The following DNAJC15 variants were observed in gnomAD, a reference collection of about 807,000 sequenced individuals.
DNAJC15 encodes dnaJ homolog subfamily C member 15.
In DNAJC15, 27 loss-of-function variants were observed where a neutral mutation model predicts 22.4. That is an observed-to-expected ratio of 1.20 (90% confidence interval 0.89 to 1.66). The LOEUF (loss-of-function observed/expected upper bound fraction) is 1.66, where lower values mean the gene tolerates loss of function less well. DNAJC15 is among the 40% of genes most tolerant of loss of function. DNAJC15 has a pLI of 0.00. For synonymous variants in DNAJC15, 79 were observed against 63.2 expected (o/e 1.25, Z -1.19); for missense variants, 208 against 187.1 (o/e 1.11, Z -0.65).
rs545778183 is a variant in DNAJC15, at chr13:43,023,618, C to G, written c.-9C>G. 4 of 1,606,482 alleles carry G rather than the reference C, an allele frequency of 2.5e-6. No individual in the cohort carries two copies. The highest frequency in any genetic ancestry group is 1.7e-5 in the Admixed American group (1 of 59,362). On this transcript the variant is annotated 5_prime_UTR_variant, in exon 1 of 6. Coordinates refer to ENST00000379221, the MANE Select transcript of DNAJC15 (RefSeq NM_013238.3). Reference sequence around the variant, plus strand: ...GCCGCGGCGCCTTGAGTCTCCGGGCCGCCTTGCCATGGCTGCCCGTGGTGT... The same window carrying G: ...GCCGCGGCGCCTTGAGTCTCCGGGCGGCCTTGCCATGGCTGCCCGTGGTGT...
chr13:43,089,907 A>G (rs992456813), intron 5 of DNAJC15, among the ~76,000 whole-genome samples: 2 of 152,218 alleles, frequency 1.3e-5, no homozygotes, highest in Admixed American at 6.5e-5. Flanking sequence ...CAGCCTTTGC[A>G]CTGATGGTGT....
chr13:43,042,814 A>C (rs916132457), intron 1 of DNAJC15, among the ~76,000 whole-genome samples: 2 of 152,244 alleles, frequency 1.3e-5, no homozygotes, highest in Non-Finnish European at 2.9e-5. Flanking sequence ...TATCAAAGAT[A>C]AACTCCATAG....
chr13:43,026,533 T>C (rs1253693936), intron 1 of DNAJC15, among the ~76,000 whole-genome samples: 1 of 152,158 alleles, frequency 6.6e-6, no homozygotes, highest in Non-Finnish European at 1.5e-5. Flanking sequence ...AGGCAGAAGA[T>C]TGTTGATAAT....
chr13:43,033,792 G>C (rs2040414533), intron 1 of DNAJC15, among the ~76,000 whole-genome samples: 1 of 152,084 alleles, frequency 6.6e-6, no homozygotes, highest in Non-Finnish European at 1.5e-5. Flanking sequence ...ACTTTGGGAG[G>C]CCAAGGTGGG....
At chr13:43,092,177 T>C (rs1413052660) in intron 5 of DNAJC15, among the ~76,000 whole-genome samples, 1 of 152,190 alleles carries the variant, frequency 6.6e-6, no homozygotes, top group Non-Finnish European at 1.5e-5. Context: ...GGACAAATGA[T>C]TTAGGATTGT....
rs1235039419 is a variant in DNAJC15 at position 43,023,719 on chromosome 13, C to G, written c.93C>G (p.Val31=). 10 of 1,610,236 alleles carry G rather than the reference C, an allele frequency of 6.2e-6. No individual in the cohort carries two copies. The highest frequency in any genetic ancestry group is 1.3e-5 in the African/African-American group (1 of 74,816). Residue 31 remains valine (V), a synonymous_variant, in exon 1 of 6, where the codon GTC becomes GTG. Coordinates refer to ENST00000379221, the MANE Select transcript of DNAJC15 (RefSeq NM_013238.3). ...QPSAKRPDAD[V]DQQRLVRSLI... ...CGGCCAAACGGCCAGACGCCGACGT[C>G]GACCAGCAGAGACTGGTGAGTCCTG...
intron 2 of DNAJC15, among the ~76,000 whole-genome samples, chr13:43,066,871 G>A (rs2040586678): frequency 6.6e-6 from 1 of 152,052 alleles, no homozygotes; most frequent in East Asian, 1.9e-4. Flanking sequence ...CACCCACCTC[G>A]GCCTCCTAAA....
At chr13:43,071,648 T>C (rs934156352) in intron 3 of DNAJC15, among the ~76,000 whole-genome samples, 5 of 152,198 alleles carry the variant, frequency 3.3e-5, no homozygotes, top group Non-Finnish European at 7.4e-5. Flanking sequence ...TTTGATTTTG[T>C]AAATATTATT....
At chr13:43,096,305 A>T (rs1278752422) in intron 5 of DNAJC15, among the ~76,000 whole-genome samples, 2 of 152,246 alleles carry the variant, frequency 1.3e-5, no homozygotes, top group Non-Finnish European at 2.9e-5. Context: ...CATAAAGGAC[A>T]CATAGTATCT....
chr13:43,103,365 T>C (rs1210650631), intron 5 of DNAJC15, among the ~76,000 whole-genome samples: 2 of 152,222 alleles, frequency 1.3e-5, no homozygotes, highest in African/African-American at 4.8e-5. Flanking sequence ...AAAGTATGTA[T>C]ATAAGATCCA....
chr13:43,081,090 G>A (rs1328006036), intron 4 of DNAJC15, among the ~76,000 whole-genome samples: 2 of 152,162 alleles, frequency 1.3e-5, no homozygotes, highest in African/African-American at 4.8e-5. Context: ...TATGAGAATT[G>A]TTTATTGAAA....
chr13:43,066,400 C>CATCTTCCA (rs1220556625), intron 2 of DNAJC15, among the ~76,000 whole-genome samples: 2 of 152,240 alleles, frequency 1.3e-5, no homozygotes, highest in Admixed American at 6.5e-5. Context: ...AACAGCTTAG[C>CATCTTCCA]ATCTTCCAAC....
At chr13:43,074,732 T>C (rs2040624837) in intron 3 of DNAJC15, among the ~76,000 whole-genome samples, 1 of 152,324 alleles carries the variant, frequency 6.6e-6, no homozygotes, top group South Asian at 2.1e-4. Flanking sequence ...TTTGTTCTAT[T>C]TAAAGTTATA....
At chr13:43,092,374 G>C (rs915362937) in intron 5 of DNAJC15, among the ~76,000 whole-genome samples, 1 of 151,556 alleles carries the variant, frequency 6.6e-6, no homozygotes, top group African/African-American at 2.4e-5. Flanking sequence ...TCTCTTGTTG[G>C]TTTGTCTCTT....
intron 4 of DNAJC15, among the ~76,000 whole-genome samples, chr13:43,082,468 T>C (rs1387127509): frequency 6.6e-6 from 1 of 152,186 alleles, no homozygotes; most frequent in Non-Finnish European, 1.5e-5. Flanking sequence ...AATATAATAA[T>C]AACTAAAAGG....
At chr13:43,027,372 A>G (rs1297181403) in intron 1 of DNAJC15, among the ~76,000 whole-genome samples, 1 of 152,130 alleles carries the variant, frequency 6.6e-6, no homozygotes, top group Non-Finnish European at 1.5e-5. Flanking sequence ...AGCATGCATT[A>G]GCTATTCTTC....
intron 5 of DNAJC15, 75 bp downstream of exon 5, chr13:43,085,913 A>ATG (rs2040686030): frequency 8.2e-7 from 1 of 1,215,544 alleles, no homozygotes; most frequent in Non-Finnish European, 1.2e-6. Flanking sequence ...AAAGTCATAT[A>ATG]TGATATATAG....
At chr13:43,049,292 G>A (rs906089190) in intron 1 of DNAJC15, among the ~76,000 whole-genome samples, 1 of 151,972 alleles carries the variant, frequency 6.6e-6, no homozygotes. Context: ...TCTGTTACTG[G>A]CAGTTTAGTT....
intron 1 of DNAJC15, among the ~76,000 whole-genome samples, chr13:43,062,520 TTGAATTAAAC>T (rs976964831): frequency 3.9e-5 from 6 of 152,210 alleles, no homozygotes; most frequent in Admixed American, 3.9e-4. Context: ...TACTTATTTG[TTGAATTAAAC>T]TGAATTTTTA....
Sources: allele counts gnomAD v4.1 joint callset (sites outside exome capture counted in the v4.1 genomes callset), GRCh38; gene constraint gnomAD v4.1.1; transcripts MANE v1.5; gene names NCBI Gene and HGNC (gene_info 2026-07-23, HGNC 2026-07-21).